Variants in PPP2R2C observed in about 807,000 individuals in gnomAD.
The protein encoded by PPP2R2C is protein phosphatase 2 regulatory subunit Bgamma, also known as protein phosphatase 2, regulatory subunit B, gamma.
PPP2R2C carries 10 observed loss-of-function variants against 45.3 expected under a neutral mutation model. The ratio of observed to expected loss-of-function variants is 0.22; its 90% CI spans 0.14 to 0.37. The LOEUF (loss-of-function observed/expected upper bound fraction) is 0.37. PPP2R2C is among the 10% of genes least tolerant of loss of function. The pLI is 1.00. For synonymous variants in PPP2R2C, 257 were observed against 245.4 expected (o/e 1.05, Z -0.44); for missense variants, 308 against 619.7 (o/e 0.50, Z 5.34).
At chr4:6,384,878 C>A in intron 1 of PPP2R2C, 1 of 983,134 alleles carries the variant, frequency 1.0e-6, no homozygotes, top group Non-Finnish European at 1.2e-6. Context: ...TGGTTGGAGT[C>A]TTGGCTCCAG....
In PPP2R2C at chr4:6,378,385, G is replaced by A; in HGVS notation, c.334+22C>T. 1 of 1,613,980 alleles carries A rather than the reference G, an allele frequency of 6.2e-7. No homozygotes were observed. Among genetic ancestry groups the A allele is most frequent in the Non-Finnish European group, 8.5e-7 (1 of 1,180,024 alleles). ...ACATCTACGGCCTGTGCCCATGCAAGCGAGGCCGGGCAGCGCCTCACCGTT... is the reference window on the plus strand; with the variant it reads ...ACATCTACGGCCTGTGCCCATGCAAACGAGGCCGGGCAGCGCCTCACCGTT... On this transcript the variant is annotated intron_variant, in intron 3 of 8. Transcript: ENST00000382599. The surrounding 1 kb of genome is among the most constrained non-coding windows in gnomAD (Gnocchi z 5.2).
chr4:6,407,284 G>A (rs1203894983), intron 1 of PPP2R2C, among the ~76,000 whole-genome samples: 1 of 152,218 alleles, frequency 6.6e-6, no homozygotes, highest in Admixed American at 6.5e-5. Context: ...GGCAAGTGGG[G>A]GAAGTCAACA....
Position 6,323,085 on chromosome 4 carries a change from A to AT in PPP2R2C, c.*216dup. On this transcript the variant is annotated 3_prime_UTR_variant, in exon 9 of 9. Transcript: ENST00000382599. ...GCGGTGAACGCTTCCTTTCCTTTTTATTTTTTTAAACAGACAATTACTGCC... is the reference window on the plus strand; with the variant it reads ...GCGGTGAACGCTTCCTTTCCTTTTTATTTTTTTTAAACAGACAATTACTGCC... 6.2e-6 allele frequency: 3 copies of AT among 482,332 alleles called. No homozygotes were observed. Among genetic ancestry groups the AT allele is most frequent in the South Asian group, 5.9e-5 (1 of 17,026 alleles). 29.9% of individuals were successfully genotyped at this position (482,332 alleles called of 1,614,324 possible). A position where few individuals can be genotyped will look rare whatever the true frequency, so the allele number is the denominator to read the frequency against.
chr4:6,520,251 G>C (rs901978189), intron 2 of PPP2R2C, among the ~76,000 whole-genome samples: 1 of 152,148 alleles, frequency 6.6e-6, no homozygotes, highest in Non-Finnish European at 1.5e-5. Flanking sequence ...GAGGCACGGA[G>C]TGGACACTCA....
intron 2 of PPP2R2C, among the ~76,000 whole-genome samples, chr4:6,507,489 G>T (rs1029526258): frequency 2.6e-5 from 4 of 152,258 alleles, no homozygotes; most frequent in South Asian, 2.1e-4. Context: ...TAAAGAAGGT[G>T]GGCTACCCTA....
Position 6,375,902 on chromosome 4 carries a change from C to T in PPP2R2C, c.364G>A (p.Glu122Lys), listed in dbSNP as rs1478956407. 9 of 1,613,772 alleles carry T rather than the reference C, an allele frequency of 5.6e-6. No individual in the cohort carries two copies. Among genetic ancestry groups the T allele is most frequent in the South Asian group, 2.2e-5 (2 of 91,024 alleles). ...TATCCTTCGGGCCTTTTATCTCGTT[C>T]GGTAATCTTCCATAATTTGATAGTT... ...DKTIKLWKIT[E>K]RDKRPEGYNL... The change falls in exon 4 of 9, where the codon GAA becomes AAA. Residue 122 changes from glutamate (E) to lysine (K), a missense_variant. Glu to Lys is a moderately conservative substitution (Grantham distance 56). Coordinates refer to ENST00000382599, the MANE Select transcript of PPP2R2C (RefSeq NM_020416.4).
At chr4:6,357,913 A>T (rs556558028) in intron 5 of PPP2R2C, among the ~76,000 whole-genome samples, 61 of 152,328 alleles carry the variant, frequency 4.0e-4, no homozygotes, top group African/African-American at 1.3e-3. Context: ...GGGCATGCAG[A>T]GGTTTTTATA....
At chr4:6,492,757 A>G (rs990918297) in intron 2 of PPP2R2C, among the ~76,000 whole-genome samples, 7 of 152,186 alleles carry the variant, frequency 4.6e-5, no homozygotes, top group African/African-American at 1.4e-4. Flanking sequence ...AAGAGACACC[A>G]CAGAGAGGAG....
chr4:6,408,362 T>C (rs1377788318), intron 1 of PPP2R2C, among the ~76,000 whole-genome samples: 1 of 152,200 alleles, frequency 6.6e-6, no homozygotes, highest in African/African-American at 2.4e-5. Flanking sequence ...GTACAGGTTC[T>C]TCACTGCATG....
chr4:6,400,020 G>T (rs772613236), intron 1 of PPP2R2C, among the ~76,000 whole-genome samples: 1 of 152,206 alleles, frequency 6.6e-6, no homozygotes, highest in Non-Finnish European at 1.5e-5. Flanking sequence ...GCATGTGAAT[G>T]CATTGAAGTC....
At position 6,471,300 on chromosome 4, in the gene PPP2R2C, C is replaced by A. The variant is rs1335528125; in HGVS notation, c.70+860G>T. 6.6e-6 allele frequency among the ~76,000 whole-genome samples: 1 copy of A among 152,178 alleles called. No individual in the cohort carries two copies. The highest frequency in any genetic ancestry group is 1.5e-5 in the Non-Finnish European group (1 of 68,036). On this transcript the variant is annotated intron_variant, in intron 1 of 8. Coordinates refer to ENST00000382599, the MANE Select transcript of PPP2R2C (RefSeq NM_020416.4). This position sits in a 1 kb window ranked among gnomAD's most constrained non-coding sequence, Gnocchi z 5.6. ...AGACCTCCCGGTCCCCATCCTCCAT[C>A]GGGGTCACTCCGCGGGCCCTGCCTG...
intron 2 of PPP2R2C, among the ~76,000 whole-genome samples, chr4:6,510,860 C>T (rs1723407378): frequency 6.6e-6 from 1 of 151,950 alleles, no homozygotes; most frequent in Admixed American, 6.6e-5. Context: ...ACCTGTATTC[C>T]CAGCTACTCA....
rs570753000 is a variant in PPP2R2C at position 6,423,272 on chromosome 4, C to G, written c.71-42178G>C. Among the ~76,000 whole-genome samples the G allele has an allele frequency of 6.2e-4, 94 of 152,298 alleles. 1 individual carries two copies. Among genetic ancestry groups the G allele is most frequent in the African/African-American group, 2.2e-3 (92 of 41,560 alleles). On this transcript the variant is annotated intron_variant, in intron 1 of 8. Transcript: ENST00000382599. ...AGGCTGGAGTGCAGTGGTGCAATCTCGGCTCACTGCAACCTCTGCCTCCCG... is the reference window on the plus strand; with the variant it reads ...AGGCTGGAGTGCAGTGGTGCAATCTGGGCTCACTGCAACCTCTGCCTCCCG...
intron 1 of PPP2R2C, among the ~76,000 whole-genome samples, chr4:6,387,428 T>C (rs1032990150): frequency 1.3e-5 from 2 of 152,182 alleles, no homozygotes; most frequent in East Asian, 1.9e-4. Context: ...GCAGAAATAA[T>C]GGCACCCAGA....
chr4:6,381,141 C>T, intron 1 of PPP2R2C, 47 bp from the exon 2 acceptor site: 1 of 1,554,248 alleles, frequency 6.4e-7, no homozygotes, highest in African/African-American at 1.4e-5. Flanking sequence ...TCAGAACCCG[C>T]CTCTCCCGGG....
At chr4:6,381,441 A>G (rs1275417939) in intron 1 of PPP2R2C, 4 of 1,387,724 alleles carry the variant, frequency 2.9e-6, no homozygotes, top group African/African-American at 2.9e-5. Flanking sequence ...TCCTGTCTTG[A>G]ATCTCCCACA....
intron 5 of PPP2R2C, chr4:6,349,348 C>T (rs1712317042): frequency 5.1e-6 from 5 of 975,630 alleles, no homozygotes; most frequent in Non-Finnish European, 6.1e-6. Context: ...CTATCCATGC[C>T]TCAGCTTCCT....
At chr4:6,379,659 C>G (rs561315826) in intron 2 of PPP2R2C, among the ~76,000 whole-genome samples, 3 of 152,246 alleles carry the variant, frequency 2.0e-5, no homozygotes, top group African/African-American at 7.2e-5. Context: ...GGACACCCCA[C>G]AGGTGCATCT....
intron 1 of PPP2R2C, among the ~76,000 whole-genome samples, chr4:6,561,976 G>T (rs1725591860): frequency 6.6e-6 from 1 of 152,218 alleles, no homozygotes; most frequent in Non-Finnish European, 1.5e-5. Flanking sequence ...TCAGTGTCCT[G>T]CAGACATGAC....
Sources: gnomAD v4.1 joint callset for allele counts (sites outside exome capture counted in the v4.1 genomes callset) on GRCh38, gnomAD v4.1.1 for gene constraint, Gnocchi (gnomAD v3.1) non-coding constraint, MANE v1.5 for transcripts, NCBI Gene and HGNC (gene_info 2026-07-23, HGNC 2026-07-21) for gene names.